Variants in NFILZ observed in about 807,000 individuals in gnomAD.
NFILZ encodes the protein NFIL3 like basic leucine zipper.
Position 8,680,299 on chromosome 19 carries a change from T to TTTCATTCATTCATTCATTCA in NFILZ, c.*2675_*2694dup, listed in dbSNP as rs57880553. Among the ~76,000 whole-genome samples the TTTCATTCATTCATTCATTCA allele has an allele frequency of 6.8e-6, 1 of 147,846 alleles. No homozygotes were observed. Among genetic ancestry groups the TTTCATTCATTCATTCATTCA allele is most frequent in the African/African-American group, 2.6e-5 (1 of 38,212 alleles). On this transcript the variant is annotated 3_prime_UTR_variant, in exon 6 of 6. Transcript: ENST00000691075. The stretch of plus-strand genomic sequence containing the variant: ...GCTTGTGGCTCAGCTATAACAGCAT[T>TTTCATTCATTCATTCATTCA]TTCATTCATTCATTCATTCATTCAT...
chr19:8,647,018 C>T (rs2042941781), intron 3 of NFILZ, among the ~76,000 whole-genome samples: 1 of 152,142 alleles, frequency 6.6e-6, no homozygotes, highest in South Asian at 2.1e-4. Context: ...GTTTCCTCAT[C>T]TGTAAAATAG....
At position 8,640,080 on chromosome 19, in the gene NFILZ, GC is replaced by G. The variant is rs199824285; in HGVS notation, c.-164+4335del. Among the ~76,000 whole-genome samples, 969 of 152,200 alleles carry G rather than the reference GC, an allele frequency of 6.4e-3. 38 individuals carry two copies. The highest frequency in any genetic ancestry group is 0.055 in the Admixed American group (843 of 15,274). ...GGAAGCCTGGTGCCCTCTGTGAGAT[GC>G]TTGTGAATTCCCAGGGCCTCTGTTC... On this transcript the variant is annotated intron_variant, in intron 3 of 5. Coordinates refer to ENST00000691075, the MANE Select transcript of NFILZ (RefSeq NM_001378600.1).
intron 3 of NFILZ, among the ~76,000 whole-genome samples, chr19:8,670,831 C>A (rs1555750224): frequency 1.3e-5 from 2 of 152,004 alleles, no homozygotes; most frequent in Non-Finnish European, 2.9e-5. Context: ...CCCGTCTGTA[C>A]TAAAAATACA....
chr19:8,639,808 G>T (rs1300845012), intron 3 of NFILZ, among the ~76,000 whole-genome samples: 3 of 152,068 alleles, frequency 2.0e-5, no homozygotes, highest in South Asian at 2.1e-4. Flanking sequence ...TTTTATATGC[G>T]GTAGGCGTGT....
At chr19:8,669,593 A>G (rs2043077922) in intron 3 of NFILZ, among the ~76,000 whole-genome samples, 1 of 152,096 alleles carries the variant, frequency 6.6e-6, no homozygotes, top group African/African-American at 2.4e-5. Flanking sequence ...ACCAACCTCT[A>G]CCCTTCAGAG....
intron 3 of NFILZ, among the ~76,000 whole-genome samples, chr19:8,652,247 C>A (rs1474131802): frequency 6.6e-6 from 1 of 152,028 alleles, no homozygotes; most frequent in African/African-American, 2.4e-5. Flanking sequence ...GGACTACAGG[C>A]GCCCGCCACC....
intron 3 of NFILZ, among the ~76,000 whole-genome samples, chr19:8,642,170 CT>C (rs35972547): frequency 0.22 from 32,283 of 143,532 alleles, 3,546 homozygotes; most frequent in Middle Eastern, 0.36. Context: ...TCACCGTTCT[CT>C]TTTTTTTTTT....
chr19:8,653,038 T>TTCTTTC (rs1555747925), intron 3 of NFILZ, among the ~76,000 whole-genome samples: 1 of 90,504 alleles, frequency 1.1e-5, no homozygotes, highest in African/African-American at 4.7e-5. Flanking sequence ...CTTTCTTTCT[T>TTCTTTC]TCTCTCTCTC....
intron 3 of NFILZ, among the ~76,000 whole-genome samples, chr19:8,637,799 T>G (rs1416962371): frequency 2.0e-5 from 3 of 148,000 alleles, no homozygotes; most frequent in Non-Finnish European, 4.5e-5. Flanking sequence ...CTCAGCTACT[T>G]GGGAGGCTGA....
Position 8,676,464 on chromosome 19 carries a change from G to T in NFILZ, c.-16+8G>T, listed in dbSNP as rs2043110595. On this transcript the variant is annotated splice_region_variant and intron_variant, in intron 5 of 5. Coordinates refer to ENST00000691075, the MANE Select transcript of NFILZ (RefSeq NM_001378600.1). The stretch of plus-strand genomic sequence containing the variant: ...CTGCTGACCTTCTCAACAGTAAGGA[G>T]AACACCCCTGGAAGAGCATGTGTCC... Among the ~76,000 whole-genome samples, 1 of 152,194 alleles carries T rather than the reference G, an allele frequency of 6.6e-6. No individual in the cohort carries two copies. The highest frequency in any genetic ancestry group is 2.1e-4 in the South Asian group (1 of 4,826).
At chr19:8,665,680 A>G (rs2043058765) in intron 3 of NFILZ, among the ~76,000 whole-genome samples, 1 of 152,218 alleles carries the variant, frequency 6.6e-6, no homozygotes, top group Non-Finnish European at 1.5e-5. Flanking sequence ...GAAGCAAGGT[A>G]TACCTTCTAG....
At chr19:8,653,011 C>CTTT (rs2042974022) in intron 3 of NFILZ, among the ~76,000 whole-genome samples, 10 of 52,832 alleles carry the variant, frequency 1.9e-4, no homozygotes, top group African/African-American at 3.2e-4. Flanking sequence ...TTCCTTCCTT[C>CTTT]CTTTCTTTCT....
intron 3 of NFILZ, among the ~76,000 whole-genome samples, chr19:8,656,388 CT>C (rs2042998595): frequency 1.1e-5 from 1 of 91,538 alleles, no homozygotes; most frequent in Non-Finnish European, 2.3e-5. Context: ...AGCCCACCTT[CT>C]CCCGCAGCCC....
At chr19:8,660,220 G>A (rs2918311) in intron 3 of NFILZ, among the ~76,000 whole-genome samples, 20,569 of 152,070 alleles carry the variant, frequency 0.14, 2,240 homozygotes, top group East Asian at 0.42. Context: ...CTGGGCCTCC[G>A]GGGGAAAAAG....
intron 3 of NFILZ, among the ~76,000 whole-genome samples, chr19:8,651,473 A>G (rs1352357891): frequency 6.6e-6 from 1 of 151,138 alleles, no homozygotes; most frequent in Non-Finnish European, 1.5e-5. Context: ...TCAATAAGTT[A>G]TTGTTAACCA....
Position 8,664,247 on chromosome 19 carries a change from A to G in NFILZ, c.-163-10304A>G, listed in dbSNP as rs567254663. The stretch of plus-strand genomic sequence containing the variant: ...CAGCCTTTGCTGCAAACCTGTGCCC[A>G]TTTCACAGTTCAAAGAACTGAGGCT... On this transcript the variant is annotated intron_variant, in intron 3 of 5. Transcript: ENST00000691075. Among the ~76,000 whole-genome samples the G allele has an allele frequency of 2.0e-5, 3 of 152,296 alleles. No individual in the cohort carries two copies. The South Asian group carries it at 6.2e-4, about 32-fold the overall frequency.
chr19:8,632,245 A>AGT (rs35056229), intron 1 of NFILZ, among the ~76,000 whole-genome samples: 72,093 of 145,082 alleles, frequency 0.5, 18,954 homozygotes, highest in South Asian at 0.63. Flanking sequence ...CCCGCCATAC[A>AGT]GTGTGTGTGT....
At chr19:8,633,078 T>C (rs1192633657) in intron 2 of NFILZ, among the ~76,000 whole-genome samples, 1 of 138,056 alleles carries the variant, frequency 7.2e-6, no homozygotes, top group Non-Finnish European at 1.5e-5. Flanking sequence ...TGGAGTGCAG[T>C]GGTGTAATCT....
chr19:8,678,076 C>T lies in NFILZ; in HGVS notation c.*441C>T, dbSNP rs2043122075. Among the ~76,000 whole-genome samples the T allele has an allele frequency of 2.8e-4, 2 of 7,048 alleles. No individual in the cohort carries two copies. The highest frequency in any genetic ancestry group is 1.2e-3 in the Admixed American group (1 of 860). 4.6% of individuals were successfully genotyped at this position (7,048 alleles called of 152,430 possible). ...TCCACCCATCTATTCATCCATCCAT[C>T]AATCCATCCATCCATTCCATCCATC... On this transcript the variant is annotated 3_prime_UTR_variant, in exon 6 of 6. Transcript: ENST00000691075.
Sources: allele counts gnomAD v4.1 joint callset (sites outside exome capture counted in the v4.1 genomes callset), GRCh38; gene constraint gnomAD v4.1.1; transcripts MANE v1.5; gene names NCBI Gene and HGNC (gene_info 2026-07-23, HGNC 2026-07-21).